DNAH8: variants seen among roughly 807,000 people sequenced by gnomAD.
DNAH8 encodes dynein axonemal heavy chain 8.
DNAH8 carries 382 observed loss-of-function variants against 562.1 expected under a neutral mutation model. That is an observed-to-expected ratio of 0.68 (90% CI 0.63 to 0.74). The LOEUF is 0.74. DNAH8 is among the 30% of genes least tolerant of loss of function. DNAH8 has a pLI of 0.00. For missense variants in DNAH8, 5,203 were observed against 5,620.4 expected (o/e 0.93, Z 2.37); for synonymous variants, 1,881 against 1,919.4 (o/e 0.98, Z 0.52).
chr6:38,781,292 C>T lies in DNAH8; in HGVS notation c.2178C>T (p.Arg726=), dbSNP rs1382853416. The T allele has an allele frequency of 2.5e-6, 4 of 1,613,870 alleles. No individual in the cohort carries two copies. The highest frequency in any genetic ancestry group is 2.2e-5 in the South Asian group (2 of 91,042). ...AGAAAGATGACCCCCCTCTTGCTCG[C>T]AACATGCCCCCTATAGCAGGAAAAA... is the stretch of plus-strand genomic sequence containing the variant. ...HSQKDDPPLA[R]NMPPIAGKIL... The change falls in exon 16 of 93, where the codon CGC becomes CGT. Residue 726 remains arginine, a synonymous_variant. Transcript: ENST00000327475.
rs747546250 is a variant in DNAH8 at position 38,823,648 on chromosome 6, G to A, written c.3807G>A (p.Leu1269=). ...YATFEQEIDE[L]KPIIVVGALE... is the part of the protein sequence containing the mutation. Reference sequence around the variant, plus strand: ...CTTTTGAACAGGAGATTGATGAGTTGAAGCCTATTATTGTTGTAGGAGCAC... The same window carrying A: ...CTTTTGAACAGGAGATTGATGAGTTAAAGCCTATTATTGTTGTAGGAGCAC... The change falls in exon 28 of 93, where the codon TTG becomes TTA. Residue 1269 remains leucine (L), a synonymous_variant. Coordinates refer to ENST00000327475, the MANE Select transcript of DNAH8 (RefSeq NM_001206927.2). 6.8e-6 allele frequency: 11 copies of A among 1,606,116 alleles called. No homozygotes were observed. In the South Asian group the frequency reaches 1.2e-4, roughly 18 times the overall value.
At chr6:38,960,419 CAAA>C (rs67399046) in intron 82 of DNAH8, among the ~76,000 whole-genome samples, 5 of 146,128 alleles carry the variant, frequency 3.4e-5, no homozygotes, top group Non-Finnish European at 6.0e-5. Context: ...AACTCAATAG[CAAA>C]AAAAAAAAAA....
intron 17 of DNAH8, among the ~76,000 whole-genome samples, chr6:38,785,403 A>G (rs1235551637): frequency 6.6e-6 from 1 of 152,200 alleles, no homozygotes; most frequent in Non-Finnish European, 1.5e-5. Context: ...GGTCTGTTTT[A>G]GTTGTCTTGA....
chr6:38,882,757 A>C (rs1246367627), intron 53 of DNAH8, among the ~76,000 whole-genome samples, 153 bp from the exon 54 acceptor site: 1 of 152,252 alleles, frequency 6.6e-6, no homozygotes, highest in Non-Finnish European at 1.5e-5. Flanking sequence ...TGCTGTAGAC[A>C]TAAGATAAGC....
At chr6:39,022,019 T>C (rs1223576207) in intron 91 of DNAH8, among the ~76,000 whole-genome samples, 2 of 152,200 alleles carry the variant, frequency 1.3e-5, no homozygotes, top group East Asian at 3.8e-4. Context: ...ACTACTATTA[T>C]AGGAATGGAC....
At chr6:38,751,740 G>C (rs1005097098) in intron 9 of DNAH8, among the ~76,000 whole-genome samples, 2 of 151,482 alleles carry the variant, frequency 1.3e-5, no homozygotes, top group Admixed American at 6.5e-5. Context: ...TATAAAATAT[G>C]AAAATTAAAA....
intron 91 of DNAH8, among the ~76,000 whole-genome samples, chr6:39,014,679 C>CA (rs1171604625): frequency 1.3e-5 from 2 of 151,882 alleles, no homozygotes; most frequent in South Asian, 2.1e-4. Flanking sequence ...GCAGGGATGC[C>CA]AAAAAAAGAG....
Position 38,896,037 on chromosome 6 carries a change from A to G in DNAH8, c.8752A>G (p.Ile2918Val), listed in dbSNP as rs148193715. ...ECSRVIADRF[I>V]TPEDEQWFNA... Reference sequence around the variant, plus strand: ...ACTACTACATTTTCCTTTCAGATTTATAACTCCTGAAGATGAGCAGTGGTT... The same window carrying G: ...ACTACTACATTTTCCTTTCAGATTTGTAACTCCTGAAGATGAGCAGTGGTT... The change falls in exon 60 of 93, where the codon ATA becomes GTA. Residue 2918 changes from isoleucine (I) to valine (V), a missense_variant. Physicochemically the swap from Ile to Val is conservative, Grantham distance 29. This residue lies in a region of DNAH8 where 977 missense variants were observed against 1,061.8 expected (regional missense o/e 0.92). Transcript: ENST00000327475. 5.8e-5 allele frequency: 93 copies of G among 1,608,966 alleles called. 1 individual carries two copies. Among genetic ancestry groups the G allele is most frequent in the Non-Finnish European group, 7.3e-5 (86 of 1,178,160 alleles).
At position 38,789,900 on chromosome 6, in the gene DNAH8, G is replaced by T. The variant is rs778395268; in HGVS notation, c.2664+17G>T. 17 of 1,572,032 alleles carry T rather than the reference G, an allele frequency of 1.1e-5. No individual in the cohort carries two copies. The highest frequency in any genetic ancestry group is 1.4e-5 in the Non-Finnish European group (16 of 1,145,588). ...ATGAAAAAGGTTGGTATTGCTGAAG[G>T]TTTGTATTGATTTTCCTGTTATTTA... On this transcript the variant is annotated intron_variant, in intron 19 of 92. Coordinates refer to ENST00000327475, the MANE Select transcript of DNAH8 (RefSeq NM_001206927.2).
At chr6:38,782,520 A>G (rs536317019) in intron 16 of DNAH8, among the ~76,000 whole-genome samples, 2 of 152,264 alleles carry the variant, frequency 1.3e-5, no homozygotes, top group South Asian at 2.1e-4. Flanking sequence ...GACTTCAGGT[A>G]ATCCACCTGC....
intron 75 of DNAH8, among the ~76,000 whole-genome samples, 164 bp downstream of exon 75, chr6:38,929,830 C>A (rs931764128): frequency 1.3e-5 from 2 of 152,056 alleles, no homozygotes; most frequent in Non-Finnish European, 2.9e-5. Context: ...GTATTTGGTA[C>A]GTCGGAAATA....
rs891536930 is a variant in DNAH8 at position 38,883,533 on chromosome 6, T to C, written c.8136+77T>C. On this transcript the variant is annotated intron_variant, in intron 55 of 92. Coordinates refer to ENST00000327475, the MANE Select transcript of DNAH8 (RefSeq NM_001206927.2). ...GTGGTTACAATAAAATGTGTACGCA[T>C]ATAAAATGTGAAAATATTATATATT... 52 of 1,360,296 alleles carry C rather than the reference T, an allele frequency of 3.8e-5. 1 individual carries two copies. The Middle Eastern group carries it at 6.3e-4, about 16-fold the overall frequency. 84.3% of individuals were successfully genotyped at this position (1,360,296 alleles called of 1,614,324 possible). A position where few individuals can be genotyped will look rare whatever the true frequency, so the allele number is the denominator to read the frequency against.
chr6:39,027,060 T>TAAAC (rs80110564), intron 92 of DNAH8, among the ~76,000 whole-genome samples: 25,792 of 151,164 alleles, frequency 0.17, 2,537 homozygotes, highest in African/African-American at 0.26. Flanking sequence ...GTCTCCACCA[T>TAAAC]AAACAAACAA....
chr6:38,783,168 A>G lies in DNAH8; in HGVS notation c.2395+29A>G, dbSNP rs753840390. On this transcript the variant is annotated intron_variant, in intron 17 of 92. Coordinates refer to ENST00000327475, the MANE Select transcript of DNAH8 (RefSeq NM_001206927.2). ...TGTATAACACTGCCATGAGCCTACA[A>G]AGTAGGGATTAGGTGATTTTGAATG... 41 of 1,606,972 alleles carry G rather than the reference A, an allele frequency of 2.6e-5. No individual in the cohort carries two copies. The Middle Eastern group carries it at 8.3e-4, about 32-fold the overall frequency.
At chr6:38,969,252 T>C (rs1370811566) in intron 82 of DNAH8, among the ~76,000 whole-genome samples, 2 of 152,232 alleles carry the variant, frequency 1.3e-5, no homozygotes, top group Non-Finnish European at 2.9e-5. Context: ...CACTTTATAA[T>C]GAAGTATATA....
intron 28 of DNAH8, among the ~76,000 whole-genome samples, chr6:38,825,323 A>T (rs1248444888): frequency 6.6e-6 from 1 of 152,164 alleles, no homozygotes; most frequent in African/African-American, 2.4e-5. Flanking sequence ...GCTTGGCAGA[A>T]TTGGGGAGTG....
intron 1 of DNAH8, among the ~76,000 whole-genome samples, chr6:38,717,307 C>T (rs7746400): frequency 0.11 from 17,061 of 152,076 alleles, 1,551 homozygotes; most frequent in African/African-American, 0.25. Flanking sequence ...GGGGTAGATT[C>T]GTAGGGAATT....
At chr6:38,837,254 C>G (rs1774377140) in intron 32 of DNAH8, among the ~76,000 whole-genome samples, 1 of 152,110 alleles carries the variant, frequency 6.6e-6, no homozygotes. Context: ...AGGTCTGATG[C>G]TGGATATTCT....
intron 4 of DNAH8, among the ~76,000 whole-genome samples, chr6:38,730,264 G>A (rs1041521949): frequency 2.6e-5 from 4 of 152,050 alleles, no homozygotes; most frequent in African/African-American, 4.8e-5. Context: ...CATTTTCCCC[G>A]AAACAGGTGG....
Sources: allele counts gnomAD v4.1 joint callset (sites outside exome capture counted in the v4.1 genomes callset), GRCh38; gene constraint gnomAD v4.1.1; regional missense constraint gnomAD v4.1.1; transcripts MANE v1.5; gene names NCBI Gene and HGNC (gene_info 2026-07-23, HGNC 2026-07-21).